The following EPHB1 variants were observed in gnomAD, a reference collection of about 807,000 sequenced individuals.
The protein encoded by EPHB1 is ephrin type-B receptor 1.
In EPHB1, 30 loss-of-function variants were observed where a neutral mutation model predicts 94.4. That is an observed-to-expected ratio of 0.32 (90% CI 0.24 to 0.43). The LOEUF (loss-of-function observed/expected upper bound fraction) is 0.43. EPHB1 is among the 20% of genes least tolerant of loss of function. The probability of loss-of-function intolerance (pLI) is 1.00; values close to 1 mark genes in which losing one functional copy is unlikely to be tolerated. For synonymous variants in EPHB1, 522 were observed against 489.1 expected (o/e 1.07, Z -0.89); for missense variants, 1,055 against 1,308.3 (o/e 0.81, Z 2.99).
chr3:135,139,032 C>T (rs189239862), intron 5 of EPHB1, among the ~76,000 whole-genome samples: 103 of 152,354 alleles, frequency 6.8e-4, no homozygotes, highest in African/African-American at 2.5e-3. Context: ...CACACTTTCT[C>T]ACCTACCACC....
chr3:135,258,984 G>T, intron 15 of EPHB1, 28 bp from the exon 16 acceptor site: 2 of 1,547,146 alleles, frequency 1.3e-6, no homozygotes, highest in South Asian at 2.4e-5. Flanking sequence ...ACACTAAAGT[G>T]ACTTCTTTTC....
At chr3:134,919,243 G>C (rs1409072239) in intron 1 of EPHB1, among the ~76,000 whole-genome samples, 1 of 152,214 alleles carries the variant, frequency 6.6e-6, no homozygotes, top group Non-Finnish European at 1.5e-5. Context: ...AAGTTTGGAA[G>C]GGTTTGGTGT....
intron 12 of EPHB1, among the ~76,000 whole-genome samples, chr3:135,210,916 T>G (rs1943017536): frequency 6.6e-6 from 1 of 152,206 alleles, no homozygotes; most frequent in South Asian, 2.1e-4. Flanking sequence ...AGCCGTCATC[T>G]TTGCCACTGG....
chr3:135,161,609 G>C (rs1473450812), intron 6 of EPHB1, among the ~76,000 whole-genome samples: 2 of 152,210 alleles, frequency 1.3e-5, no homozygotes, highest in African/African-American at 4.8e-5. Context: ...AAGACAAAGA[G>C]AGGCAGGCAG....
chr3:135,139,830 A>G (rs947854835), intron 5 of EPHB1, among the ~76,000 whole-genome samples: 1 of 152,164 alleles, frequency 6.6e-6, no homozygotes, highest in Non-Finnish European at 1.5e-5. Flanking sequence ...AATGTGTTTG[A>G]TGGGATATTT....
intron 1 of EPHB1, among the ~76,000 whole-genome samples, chr3:134,812,673 A>G (rs1451163234): frequency 6.6e-6 from 1 of 152,226 alleles, no homozygotes; most frequent in Non-Finnish European, 1.5e-5. Context: ...ACTTGGTAAG[A>G]TACTGCCAGT....
chr3:135,031,148 C>T (rs253874), intron 3 of EPHB1, among the ~76,000 whole-genome samples: 5 of 152,152 alleles, frequency 3.3e-5, no homozygotes, highest in Non-Finnish European at 5.9e-5. Context: ...AGATGAACCC[C>T]GTACCTCAGA....
At chr3:135,069,843 G>C (rs923413387) in intron 3 of EPHB1, among the ~76,000 whole-genome samples, 28 of 152,068 alleles carry the variant, frequency 1.8e-4, no homozygotes, top group African/African-American at 6.5e-4. Flanking sequence ...AAGCTAGAAT[G>C]GTTTGATTAT....
At chr3:135,119,599 G>A (rs939638238) in intron 4 of EPHB1, among the ~76,000 whole-genome samples, 4 of 151,924 alleles carry the variant, frequency 2.6e-5, no homozygotes, top group Non-Finnish European at 4.4e-5. Context: ...CTACAGGTAC[G>A]CATCACCATG....
intron 2 of EPHB1, among the ~76,000 whole-genome samples, chr3:134,938,144 T>G (rs2039045001): frequency 6.6e-6 from 1 of 152,040 alleles, no homozygotes; most frequent in African/African-American, 2.4e-5. Context: ...TGTGAATTAT[T>G]TAAAGAGATC....
intron 12 of EPHB1, among the ~76,000 whole-genome samples, chr3:135,234,854 C>T (rs1369492621): frequency 2.0e-5 from 3 of 152,202 alleles, no homozygotes; most frequent in African/African-American, 4.8e-5. Context: ...TTACCTCCCA[C>T]TGGGTCCTTC....
At chr3:135,084,698 A>T (rs1162029215) in intron 3 of EPHB1, among the ~76,000 whole-genome samples, 1 of 152,164 alleles carries the variant, frequency 6.6e-6, no homozygotes, top group Non-Finnish European at 1.5e-5. Context: ...CCGTGGTTAT[A>T]CCCAGCAGCT....
chr3:134,924,476 T>C (rs900642290), intron 1 of EPHB1, among the ~76,000 whole-genome samples: 2 of 152,222 alleles, frequency 1.3e-5, no homozygotes, highest in Non-Finnish European at 2.9e-5. Context: ...CAAATAAGTA[T>C]GTGACAAGAT....
intron 3 of EPHB1, among the ~76,000 whole-genome samples, chr3:135,009,914 G>T (rs569477565): frequency 6.6e-6 from 1 of 152,122 alleles, no homozygotes; most frequent in Non-Finnish European, 1.5e-5. Context: ...ATCAAGTAAT[G>T]TACAAAAGTA....
intron 1 of EPHB1, among the ~76,000 whole-genome samples, chr3:134,906,304 G>A (rs1436185034): frequency 1.3e-5 from 2 of 152,132 alleles, no homozygotes; most frequent in African/African-American, 4.8e-5. Flanking sequence ...CTATTTAGAT[G>A]ACTTAGTAAT....
At chr3:135,110,690 G>A (rs1939404749) in intron 4 of EPHB1, among the ~76,000 whole-genome samples, 1 of 152,228 alleles carries the variant, frequency 6.6e-6, no homozygotes, top group South Asian at 2.1e-4. Flanking sequence ...TCGTGGCGAT[G>A]ATGGTGATTG....
intron 1 of EPHB1, among the ~76,000 whole-genome samples, chr3:134,855,778 A>C (rs1400270342): frequency 6.6e-6 from 1 of 152,220 alleles, no homozygotes; most frequent in Admixed American, 6.5e-5. Context: ...GCTAGGACCT[A>C]GAGCAGCTTC....
At chr3:135,040,746 C>G (rs1003891096) in intron 3 of EPHB1, among the ~76,000 whole-genome samples, 4 of 152,164 alleles carry the variant, frequency 2.6e-5, no homozygotes, top group Non-Finnish European at 4.4e-5. Context: ...CTGCTCTGCC[C>G]GGCCTCAAAG....
chr3:135,023,175 A>G (rs1936039170), intron 3 of EPHB1, among the ~76,000 whole-genome samples: 1 of 152,224 alleles, frequency 6.6e-6, no homozygotes, highest in Non-Finnish European at 1.5e-5. Context: ...AACATAATGT[A>G]TTAAGATGTA....
Sources: gnomAD v4.1 joint callset for allele counts (sites outside exome capture counted in the v4.1 genomes callset) on GRCh38, gnomAD v4.1.1 for gene constraint, MANE v1.5 for transcripts, NCBI Gene and HGNC (gene_info 2026-07-23, HGNC 2026-07-21) for gene names.